WNK3: variants seen among roughly 807,000 people sequenced by gnomAD.
The protein encoded by WNK3 is WNK lysine deficient protein kinase 3, also known as serine/threonine-protein kinase WNK3.
Under a neutral mutation model 116.7 loss-of-function variants are expected in WNK3, and 18 were observed. The observed-to-expected ratio is 0.15, with a 90% CI of 0.11 to 0.23. The LOEUF (loss-of-function observed/expected upper bound fraction) is 0.23. WNK3 is among the 10% of genes least tolerant of loss of function. The pLI, the probability that WNK3 is intolerant of heterozygous loss-of-function variation, is 1.00. For synonymous variants in WNK3, 404 were observed against 469.4 expected, an observed-to-expected ratio of 0.86 and a Z score of 1.80; for missense variants, 993 against 1,323.8, an observed-to-expected ratio of 0.75 and a Z score of 3.88.
At chrX:54,288,738 G>A (rs2068607194) in intron 10 of WNK3, among the ~76,000 whole-genome samples, 2 of 111,333 alleles carry the variant, frequency 1.8e-5, no homozygotes, top group Admixed American at 1.9e-4. Context: ...ATTAAATAAA[G>A]GCTCAGTAGA....
intron 1 of WNK3, among the ~76,000 whole-genome samples, chrX:54,348,270 G>A (rs1443661595): frequency 1.1e-4 from 12 of 109,790 alleles, no homozygotes; most frequent in Non-Finnish European, 1.7e-4. Context: ...TCCACCTCCC[G>A]GGTTCAAGCA....
chrX:54,217,908 C>A (rs1468017604), intron 22 of WNK3, among the ~76,000 whole-genome samples: 1 of 111,379 alleles, frequency 9.0e-6, no homozygotes, highest in African/African-American at 3.3e-5. Flanking sequence ...ACTAGAAGTT[C>A]TTTAATATAT....
At chrX:54,340,124 TG>T (rs2069300703) in intron 1 of WNK3, among the ~76,000 whole-genome samples, 1 of 110,843 alleles carries the variant, frequency 9.0e-6, no homozygotes, top group South Asian at 3.8e-4. Context: ...CACTCCAGCC[TG>T]GGTAACAGAA....
chrX:54,233,245 G>A (rs782168346), intron 20 of WNK3, among the ~76,000 whole-genome samples: 1 of 103,328 alleles, frequency 9.7e-6, no homozygotes, highest in East Asian at 3.0e-4. Flanking sequence ...GGTAACATAG[G>A]GTGACCCTAT....
chrX:54,266,352 T>G (rs1414684476), intron 10 of WNK3, among the ~76,000 whole-genome samples: 1 of 110,548 alleles, frequency 9.0e-6, no homozygotes, highest in East Asian at 2.8e-4. Context: ...GTACAAAAAT[T>G]AATCAGAAAA....
intron 12 of WNK3, 143 bp from the exon 13 acceptor site, chrX:54,254,218 C>T: frequency 2.5e-6 from 1 of 399,094 alleles, no homozygotes. Flanking sequence ...TGGTGGAATA[C>T]CATCTAAACA....
At chrX:54,347,755 T>C (rs1454141565) in intron 1 of WNK3, among the ~76,000 whole-genome samples, 1 of 106,762 alleles carries the variant, frequency 9.4e-6, no homozygotes, top group South Asian at 3.9e-4. Flanking sequence ...ATTATATATA[T>C]ACACATGTAC....
chrX:54,206,806 G>A (rs1319696003), intron 22 of WNK3, among the ~76,000 whole-genome samples: 1 of 111,885 alleles, frequency 8.9e-6, no homozygotes, highest in Non-Finnish European at 1.9e-5. Flanking sequence ...GAGGTGGCTG[G>A]ATCACATGAG....
chrX:54,218,883 C>A (rs1268328642), intron 22 of WNK3, among the ~76,000 whole-genome samples: 1 of 111,025 alleles, frequency 9.0e-6, no homozygotes, highest in African/African-American at 3.3e-5. Context: ...GACTCTGTCT[C>A]ATAAATAAAT....
chrX:54,292,933 T>C, exon 10 of WNK3: 2 of 1,209,844 alleles, frequency 1.7e-6, no homozygotes, highest in Non-Finnish European at 2.2e-6. Context: ...AAACCTGGGG[T>C]TGTGAAACAA....
chrX:54,256,617 G>A (rs2068195761), intron 11 of WNK3, among the ~76,000 whole-genome samples: 1 of 112,030 alleles, frequency 8.9e-6, no homozygotes, highest in African/African-American at 3.2e-5. Flanking sequence ...TAAATGACAA[G>A]CTCTAAGTCT....
intron 10 of WNK3, among the ~76,000 whole-genome samples, chrX:54,263,104 C>A (rs1557156978): frequency 9.1e-6 from 1 of 110,035 alleles, no homozygotes; most frequent in East Asian, 2.8e-4. Flanking sequence ...ACTTGCTCCA[C>A]CACTCCTCTC....
chrX:54,243,729 G>A (rs1557152153), intron 17 of WNK3, among the ~76,000 whole-genome samples: 3 of 111,890 alleles, frequency 2.7e-5, no homozygotes, highest in African/African-American at 9.7e-5. Context: ...TGGTGTGGCT[G>A]CTTTAGAAAA....
chrX:54,271,987 A>G (rs2068389110), intron 10 of WNK3, among the ~76,000 whole-genome samples: 1 of 112,316 alleles, frequency 8.9e-6, no homozygotes, highest in Admixed American at 9.5e-5. Context: ...AAAGCAATAC[A>G]TGCCTTTTGG....
intron 1 of WNK3, among the ~76,000 whole-genome samples, chrX:54,337,524 A>T (rs993708342): frequency 2.8e-5 from 3 of 106,476 alleles, no homozygotes; most frequent in African/African-American, 1.0e-4. Flanking sequence ...GCGCCACTGC[A>T]CGCTAGCCTG....
At position 54,249,076 on chromosome X, in the gene WNK3, G is replaced by A; in HGVS notation, c.3272C>T (p.Thr1091Ile). Residue 1091 changes from threonine to isoleucine, a missense_variant, in exon 17 of 24, where the codon ACT becomes ATT. Physicochemically the swap from Thr to Ile is moderately conservative, Grantham distance 89. Coordinates refer to ENST00000354646, the Ensembl canonical transcript of WNK3. ...TCTTTCTCCATCTGATTCCAGGACA[G>A]TAGTGGGTTGAAGGGTAGTTGGTTC... The A allele has an allele frequency of 8.3e-7, 1 of 1,212,017 alleles. No individual in the cohort carries two copies. The highest frequency in any genetic ancestry group is 3.0e-5 in the East Asian group (1 of 33,872).
chrX:54,284,427 G>A (rs1479250507), intron 10 of WNK3, among the ~76,000 whole-genome samples: 1 of 111,204 alleles, frequency 9.0e-6, no homozygotes, highest in Non-Finnish European at 1.9e-5. Flanking sequence ...TGGTGTTAGT[G>A]CAGCCAATTC....
At chrX:54,196,434 C>A (rs1603368879) in exon 24 of WNK3, 1 of 92,584 alleles carries the variant, frequency 1.1e-5, no homozygotes. Flanking sequence ...AAAAGAGGTA[C>A]TTAATGTCAC....
exon 20 of WNK3, chrX:54,237,181 A>C (rs1557150342): frequency 5.0e-6 from 6 of 1,211,709 alleles, no homozygotes; most frequent in East Asian, 3.0e-5. Context: ...AGCAGTCAAT[A>C]TCTCTCTCTC....
Sources: allele counts gnomAD v4.1 joint callset (sites outside exome capture counted in the v4.1 genomes callset), GRCh38; gene constraint gnomAD v4.1.1; transcripts MANE v1.5; gene names NCBI Gene and HGNC (gene_info 2026-07-23, HGNC 2026-07-21).